Variants in ZNF385D observed in about 807,000 individuals in gnomAD.
ZNF385D encodes zinc finger protein 659.
ZNF385D carries 15 observed loss-of-function variants against 35.8 expected under a neutral mutation model. The ratio of observed to expected loss-of-function variants is 0.42; its 90% CI spans 0.28 to 0.64. The LOEUF (loss-of-function observed/expected upper bound fraction) is 0.64. Ranked by LOEUF, ZNF385D falls within the 30% of genes least tolerant of loss-of-function variation. ZNF385D has a pLI of 0.23. For synonymous variants in ZNF385D, 212 were observed against 186.8 expected (o/e 1.13, Z -1.10); for missense variants, 474 against 494.6 (o/e 0.96, Z 0.39).
chr3:22,009,934 TGA>T (rs60015916), intron 3 of ZNF385D, among the ~76,000 whole-genome samples: 24,896 of 149,996 alleles, frequency 0.17, 2,166 homozygotes, highest in Non-Finnish European at 0.19. Flanking sequence ...ATAAAAGAAA[TGA>T]AAAATATGAA....
intron 3 of ZNF385D, among the ~76,000 whole-genome samples, chr3:21,772,847 T>C (rs139763486): frequency 2.1e-3 from 325 of 152,026 alleles, no homozygotes; most frequent in Non-Finnish European, 3.7e-3. Flanking sequence ...AAATGTAGCA[T>C]ACATATGCAC....
chr3:22,268,401 A>G (rs909922650), intron 2 of ZNF385D, among the ~76,000 whole-genome samples: 14 of 151,972 alleles, frequency 9.2e-5, no homozygotes, highest in Non-Finnish European at 1.8e-4. Context: ...CATTTTGTTG[A>G]TGTTATACAT....
intron 2 of ZNF385D, among the ~76,000 whole-genome samples, chr3:22,238,707 G>A (rs997318980): frequency 4.0e-5 from 6 of 150,330 alleles, no homozygotes; most frequent in Admixed American, 1.3e-4. Context: ...TGTATATGTG[G>A]GTGTGTAATG....
intron 3 of ZNF385D, among the ~76,000 whole-genome samples, chr3:21,835,922 T>C (rs1188405628): frequency 6.6e-6 from 1 of 152,002 alleles, no homozygotes; most frequent in Non-Finnish European, 1.5e-5. Context: ...ATATGATTTT[T>C]AAAAATCATG....
chr3:21,496,498 T>C (rs1171730809), intron 4 of ZNF385D, among the ~76,000 whole-genome samples: 1 of 137,202 alleles, frequency 7.3e-6, no homozygotes, highest in Non-Finnish European at 1.5e-5. Flanking sequence ...ATATTTGATA[T>C]ATATATCATA....
At chr3:22,018,767 T>C (rs1291790854) in intron 3 of ZNF385D, among the ~76,000 whole-genome samples, 5 of 151,986 alleles carry the variant, frequency 3.3e-5, no homozygotes, top group Admixed American at 6.6e-5. Flanking sequence ...CCTATGTACA[T>C]TGGGTTGTGA....
intron 4 of ZNF385D, among the ~76,000 whole-genome samples, chr3:21,446,301 G>T (rs973480698): frequency 1.3e-5 from 2 of 152,116 alleles, no homozygotes; most frequent in Admixed American, 1.3e-4. Context: ...AGAGGGAAAT[G>T]AGAGATTGAG....
At chr3:22,286,839 T>C (rs964648404) in intron 2 of ZNF385D, among the ~76,000 whole-genome samples, 4 of 152,044 alleles carry the variant, frequency 2.6e-5, no homozygotes, top group African/African-American at 9.7e-5. Context: ...ATGAGAAGAA[T>C]GTGTATTATT....
chr3:22,098,304 C>G (rs1383078), intron 3 of ZNF385D, among the ~76,000 whole-genome samples: 28,671 of 151,946 alleles, frequency 0.19, 3,666 homozygotes, highest in African/African-American at 0.37. Flanking sequence ...TGGGAAGAAT[C>G]AGACCAAGTC....
rs542084043 is a variant in ZNF385D at position 21,809,589 on chromosome 3, G to GAT, written c.326-144563_326-144562dup. Among the ~76,000 whole-genome samples the GAT allele has an allele frequency of 4.8e-3, 718 of 149,884 alleles. 4 individuals are homozygous for GAT. Among genetic ancestry groups the GAT allele is most frequent in the Non-Finnish European group, 8.1e-3 (549 of 67,438 alleles). On this transcript the variant is annotated intron_variant, in intron 3 of 5. Coordinates refer to the ZNF385D transcript ENST00000494108. ...ACAAACCCTATAATCAATATACAAT[G>GAT]ATATATATATACACATATATATACA...
intron 5 of ZNF385D, among the ~76,000 whole-genome samples, chr3:21,428,965 G>C (rs1191773683): frequency 1.2e-5 from 1 of 80,106 alleles, no homozygotes; most frequent in African/African-American, 4.5e-5. Flanking sequence ...TTAATTGTTC[G>C]TTTTGGAGTA....
intron 3 of ZNF385D, among the ~76,000 whole-genome samples, chr3:22,047,429 C>T (rs1699071117): frequency 6.6e-6 from 1 of 152,020 alleles, no homozygotes; most frequent in African/African-American, 2.4e-5. Context: ...CTCTAGTAAC[C>T]ACTATTGTAC....
chr3:22,301,200 G>C (rs556877605), intron 2 of ZNF385D, among the ~76,000 whole-genome samples: 1 of 152,154 alleles, frequency 6.6e-6, no homozygotes, highest in Non-Finnish European at 1.5e-5. Flanking sequence ...ACTACTGCAT[G>C]ACCTCACTTA....
intron 1 of ZNF385D, among the ~76,000 whole-genome samples, chr3:21,704,768 G>A (rs1356125539): frequency 6.6e-6 from 1 of 152,098 alleles, no homozygotes; most frequent in South Asian, 2.1e-4. Flanking sequence ...CCAGTACCTA[G>A]AACAGTACCT....
intron 3 of ZNF385D, among the ~76,000 whole-genome samples, chr3:21,831,723 A>G (rs1248198814): frequency 1.3e-5 from 2 of 152,146 alleles, no homozygotes; most frequent in African/African-American, 4.8e-5. Context: ...TTGGATATAA[A>G]CATTCATAGC....
At chr3:21,529,954 G>A (rs1310102729) in intron 3 of ZNF385D, among the ~76,000 whole-genome samples, 3 of 152,134 alleles carry the variant, frequency 2.0e-5, no homozygotes, top group Admixed American at 1.3e-4. Context: ...AGTGTTAGAG[G>A]TGGCACTTAG....
At chr3:21,813,149 A>G (rs2073006025) in intron 3 of ZNF385D, among the ~76,000 whole-genome samples, 1 of 152,206 alleles carries the variant, frequency 6.6e-6, no homozygotes, top group Non-Finnish European at 1.5e-5. Flanking sequence ...GTTAGAAGGA[A>G]AACTAACAAA....
intron 2 of ZNF385D, among the ~76,000 whole-genome samples, chr3:21,567,371 A>T (rs2063185308): frequency 6.6e-6 from 1 of 152,130 alleles, no homozygotes; most frequent in South Asian, 2.1e-4. Flanking sequence ...TAAGCTTCTA[A>T]ACCTTCCTCA....
At chr3:22,125,911 T>C (rs1308907166) in intron 3 of ZNF385D, among the ~76,000 whole-genome samples, 1 of 152,160 alleles carries the variant, frequency 6.6e-6, no homozygotes, top group Non-Finnish European at 1.5e-5. Context: ...CATTTCTTTC[T>C]CTTCCCTGAT....
Sources: allele counts gnomAD v4.1 joint callset (sites outside exome capture counted in the v4.1 genomes callset), GRCh38; gene constraint gnomAD v4.1.1; transcripts MANE v1.5; gene names NCBI Gene and HGNC (gene_info 2026-07-23, HGNC 2026-07-21).